RYR2: variants seen among roughly 807,000 people sequenced by gnomAD.
RYR2 encodes cardiac muscle ryanodine receptor-calcium release channel.
Under a neutral mutation model 601.1 loss-of-function variants are expected in RYR2, and 227 were observed. The observed-to-expected ratio is 0.38, with a 90% CI of 0.34 to 0.42. The LOEUF is 0.42. Among genes scored for constraint, RYR2 ranks in the 10% least tolerant of loss-of-function variants. RYR2 has a pLI of 1.00. For missense variants in RYR2, 4,646 were observed against 6,156.5 expected (o/e 0.75, Z 8.21); for synonymous variants, 2,223 against 2,175.1 (o/e 1.02, Z -0.61).
In RYR2 at chr1:237,756,356, G is replaced by A; in HGVS notation, c.11214G>A (p.Glu3738=). The A allele has an allele frequency of 6.2e-7, 1 of 1,613,412 alleles. No individual in the cohort carries two copies. The highest frequency in any genetic ancestry group is 8.5e-7 in the Non-Finnish European group (1 of 1,179,486). Residue 3738 remains glutamate, a synonymous_variant, in exon 81 of 105, where the codon GAG becomes GAA. Transcript: ENST00000366574. ...GACTCCACGATCGTGGCGCGGCTGA[G>A]ATGGTGCTACAGACAATCAGTGCCA... ...QARLHDRGAA[E]MVLQTISASK...
intron 47 of RYR2, among the ~76,000 whole-genome samples, chr1:237,642,487 C>T (rs151155441): frequency 5.9e-5 from 9 of 152,222 alleles, no homozygotes; most frequent in Non-Finnish European, 1.0e-4. Context: ...AAAAAAACAT[C>T]AGCGAAACAA....
chr1:237,649,817 C>T, intron 49 of RYR2, 60 bp from the exon 50 acceptor site: 1 of 1,419,662 alleles, frequency 7.0e-7, no homozygotes, highest in Non-Finnish European at 9.8e-7. Context: ...CATGTTAATC[C>T]CTTTGAAGAT....
chr1:237,307,769 A>T (rs570116938), intron 2 of RYR2, among the ~76,000 whole-genome samples: 4 of 152,336 alleles, frequency 2.6e-5, no homozygotes, highest in African/African-American at 9.6e-5. Context: ...CTTTACATAT[A>T]TGTAAGTTAA....
intron 99 of RYR2, 24 bp from the exon 100 acceptor site, chr1:237,808,877 G>T (rs774272929): frequency 5.0e-6 from 8 of 1,612,122 alleles, no homozygotes; most frequent in South Asian, 2.2e-5. Flanking sequence ...TCTAATACCT[G>T]GTCCTTGTCA....
chr1:237,786,661 A>G (rs1350782330), intron 91 of RYR2, among the ~76,000 whole-genome samples: 11 of 152,246 alleles, frequency 7.2e-5, no homozygotes, highest in Non-Finnish European at 1.3e-4. Context: ...TAACTCCCTC[A>G]TAACACCAGG....
At chr1:237,630,724 GA>G (rs1680154966) in intron 41 of RYR2, among the ~76,000 whole-genome samples, 1 of 152,106 alleles carries the variant, frequency 6.6e-6, no homozygotes, top group Non-Finnish European at 1.5e-5. Flanking sequence ...ACTTTCTCCT[GA>G]ACATTATGAC....
intron 1 of RYR2, among the ~76,000 whole-genome samples, chr1:237,048,313 A>C (rs1288512438): frequency 1.3e-5 from 2 of 151,946 alleles, no homozygotes; most frequent in Non-Finnish European, 2.9e-5. Flanking sequence ...TCTGCATCTA[A>C]TTTGTCATCA....
chr1:237,596,706 C>T (rs1190309069), intron 34 of RYR2, among the ~76,000 whole-genome samples: 2 of 152,240 alleles, frequency 1.3e-5, no homozygotes, highest in African/African-American at 4.8e-5. Context: ...CTTTCCAAGG[C>T]ACATTATAAT....
intron 27 of RYR2, among the ~76,000 whole-genome samples, chr1:237,554,650 A>G (rs1670710188): frequency 1.3e-5 from 2 of 151,962 alleles, no homozygotes; most frequent in Admixed American, 1.3e-4. Flanking sequence ...TATGAATTCA[A>G]TGTATTTGAT....
intron 41 of RYR2, among the ~76,000 whole-genome samples, chr1:237,630,465 A>G (rs566444829): frequency 6.6e-6 from 1 of 152,248 alleles, no homozygotes; most frequent in South Asian, 2.1e-4. Context: ...TAATAAATGC[A>G]AAAATCATAC....
intron 83 of RYR2, among the ~76,000 whole-genome samples, 168 bp downstream of exon 83, chr1:237,760,020 TG>T (rs1478223913): frequency 6.6e-6 from 1 of 152,120 alleles, no homozygotes; most frequent in Non-Finnish European, 1.5e-5. Flanking sequence ...TTTAAGGGGT[TG>T]GTAATATCAT....
Position 237,610,039 on chromosome 1 carries a change from G to T in RYR2, c.4684-723G>T, listed in dbSNP as rs764693877. ...CTCTAGAGGAGAAGAAGAGATAGAA[G>T]ATAATGCAGAAATATGAGATAATGG... On this transcript the variant is annotated intron_variant, in intron 35 of 104. Transcript: ENST00000366574. This position sits in a 1 kb window ranked among gnomAD's most constrained non-coding sequence, Gnocchi z 4.9. Among the ~76,000 whole-genome samples the T allele has an allele frequency of 6.6e-6, 1 of 152,074 alleles. No individual in the cohort carries two copies. The highest frequency in any genetic ancestry group is 1.5e-5 in the Non-Finnish European group (1 of 68,018).
chr1:237,677,104 A>G (rs1685467701), intron 60 of RYR2, among the ~76,000 whole-genome samples: 1 of 152,226 alleles, frequency 6.6e-6, no homozygotes, highest in Non-Finnish European at 1.5e-5. Context: ...TTTCCTATAA[A>G]TTATATTGTA....
At chr1:237,331,922 G>A (rs1329196164) in intron 3 of RYR2, among the ~76,000 whole-genome samples, 1 of 152,168 alleles carries the variant, frequency 6.6e-6, no homozygotes, top group Admixed American at 6.5e-5. Context: ...CTGTTACCCA[G>A]TCTTAACCAA....
At chr1:237,533,919 T>C (rs759795551) in intron 25 of RYR2, among the ~76,000 whole-genome samples, 7 of 152,102 alleles carry the variant, frequency 4.6e-5, no homozygotes, top group Non-Finnish European at 1.0e-4. Context: ...GCATATACTT[T>C]TGTAGTTATT....
At chr1:237,657,352 T>C (rs1683351427) in intron 53 of RYR2, among the ~76,000 whole-genome samples, 1 of 152,048 alleles carries the variant, frequency 6.6e-6, no homozygotes, top group Admixed American at 6.6e-5. Context: ...TATGTATATA[T>C]ATTTAATTTT....
At chr1:237,636,638 C>T (rs1680903830) in intron 44 of RYR2, among the ~76,000 whole-genome samples, 1 of 152,182 alleles carries the variant, frequency 6.6e-6, no homozygotes, top group Admixed American at 6.5e-5. Flanking sequence ...ATTAAACATA[C>T]ACCTACCATA....
chr1:237,481,098 GTATATATACATATATATATA>G (rs964156354), intron 17 of RYR2, among the ~76,000 whole-genome samples: 24 of 87,616 alleles, frequency 2.7e-4, no homozygotes, highest in African/African-American at 1.2e-3. Flanking sequence ...ATTTTTAAGT[GTATATATACATATATATATA>G]TATATATACA....
chr1:237,454,361 CA>C, intron 14 of RYR2, 29 bp from the exon 15 acceptor site: 1 of 1,561,738 alleles, frequency 6.4e-7, no homozygotes, highest in Middle Eastern at 1.7e-4. Flanking sequence ...GAATCACTGA[CA>C]ATAGAGAAAT....
Sources: gnomAD v4.1 joint callset for allele counts (sites outside exome capture counted in the v4.1 genomes callset) on GRCh38, gnomAD v4.1.1 for gene constraint, Gnocchi (gnomAD v3.1) non-coding constraint, MANE v1.5 for transcripts, NCBI Gene and HGNC (gene_info 2026-07-23, HGNC 2026-07-21) for gene names.